DMXL1: variants seen among roughly 807,000 people sequenced by gnomAD.
DMXL1 encodes dmX-like protein 1.
In DMXL1, 99 loss-of-function variants were observed where a neutral mutation model predicts 319.2. The observed-to-expected ratio is 0.31, with a 90% confidence interval of 0.26 to 0.37. DMXL1 has a LOEUF of 0.37. Among genes scored for constraint, DMXL1 ranks in the 10% least tolerant of loss-of-function variants. The probability of loss-of-function intolerance (pLI) is 1.00; values close to 1 mark genes in which losing one functional copy is unlikely to be tolerated. For synonymous variants in DMXL1, 1,385 were observed against 1,235.2 expected, an observed-to-expected ratio of 1.12 and a Z score of -2.54; for missense variants, 3,745 against 3,595.6, an observed-to-expected ratio of 1.04 and a Z score of -1.06.
chr5:119,165,295 A>G lies in DMXL1; in HGVS notation c.4970+15A>G, dbSNP rs747981675. ...GGATTATATAGGTAGGTAAAAAAAA[A>G]AAAAAAAAAGGGTGCTTCAATGTGA... On this transcript the variant is annotated intron_variant, in intron 21 of 43. Coordinates refer to ENST00000539542, the MANE Select transcript of DMXL1 (RefSeq NM_001290321.3). 9.3e-6 allele frequency: 13 copies of G among 1,394,556 alleles called. No homozygotes were observed. Among genetic ancestry groups the G allele is most frequent in the Non-Finnish European group, 1.3e-5 (13 of 1,010,286 alleles). The allele number at this position is 1,394,556 out of a possible 1,614,324, so 86.4% of individuals were successfully genotyped here.
chr5:119,114,874 T>C (rs1026995388), intron 6 of DMXL1, among the ~76,000 whole-genome samples: 25 of 152,180 alleles, frequency 1.6e-4, no homozygotes, highest in African/African-American at 5.3e-4. Flanking sequence ...TTCACCATAT[T>C]GGCCAGGCTG....
intron 35 of DMXL1, among the ~76,000 whole-genome samples, chr5:119,219,092 A>C (rs1439594607): frequency 6.6e-6 from 1 of 152,216 alleles, no homozygotes; most frequent in African/African-American, 2.4e-5. Flanking sequence ...TATGTCTAAC[A>C]GCAAAAGCAA....
chr5:119,238,151 T>C (rs112895260), intron 40 of DMXL1, among the ~76,000 whole-genome samples: 3,436 of 152,168 alleles, frequency 0.023, 128 homozygotes, highest in African/African-American at 0.078. Flanking sequence ...AGGGACTGTT[T>C]TTTTTAACTT....
intron 26 of DMXL1, among the ~76,000 whole-genome samples, chr5:119,176,668 T>C (rs1230232789): frequency 2.0e-5 from 3 of 152,112 alleles, no homozygotes; most frequent in Non-Finnish European, 4.4e-5. Context: ...TATTTAAGTA[T>C]ATTCATGTAC....
At chr5:119,219,259 C>T (rs149550478) in intron 35 of DMXL1, among the ~76,000 whole-genome samples, 109 of 152,164 alleles carry the variant, frequency 7.2e-4, no homozygotes, top group African/African-American at 2.4e-3. Flanking sequence ...CTTTTATAAT[C>T]GATAGTAAGC....
intron 34 of DMXL1, among the ~76,000 whole-genome samples, chr5:119,210,757 G>GTTTTTTTTTTTTTTTTTTTTCCTT: frequency 3.3e-5 from 3 of 89,778 alleles, no homozygotes; most frequent in Admixed American, 1.5e-4. Context: ...TTTTTCTTTC[G>GTTTTTTTTTTTTTTTTTTTTCCTT]TTTTTTTTTT....
intron 28 of DMXL1, among the ~76,000 whole-genome samples, chr5:119,179,187 A>C (rs939644227): frequency 1.2e-4 from 18 of 151,926 alleles, no homozygotes; most frequent in African/African-American, 4.4e-4. Context: ...ATGTGTGATA[A>C]TCTTAGTTTT....
intron 30 of DMXL1, among the ~76,000 whole-genome samples, chr5:119,196,094 T>A (rs1779571808): frequency 6.6e-6 from 1 of 152,198 alleles, no homozygotes. Context: ...CACTTAGAGA[T>A]CCTTCTTCAT....
intron 25 of DMXL1, among the ~76,000 whole-genome samples, chr5:119,174,901 T>A (rs903363367): frequency 6.6e-6 from 1 of 152,252 alleles, no homozygotes; most frequent in South Asian, 2.1e-4. Flanking sequence ...TATCAGGCTG[T>A]TTCTTCACAT....
rs145738544 is a variant in DMXL1, at chr5:119,209,263, G to A, written c.7926+2367G>A. Among the ~76,000 whole-genome samples the A allele has an allele frequency of 2.9e-3, 440 of 151,930 alleles. 6 individuals are homozygous for A. The highest frequency in any genetic ancestry group is 9.4e-3 in the African/African-American group (390 of 41,456). On this transcript the variant is annotated intron_variant, in intron 34 of 43. Coordinates refer to ENST00000539542, the MANE Select transcript of DMXL1 (RefSeq NM_001290321.3). ...GATCATGTGTAGGTATATGTTAAAC[G>A]TTTTGTGAAACTATTCAAATATTTT...
At chr5:119,210,757 G>GTTTTTTTTTTTTTTTTTTTTTTTTTTTT in intron 34 of DMXL1, among the ~76,000 whole-genome samples, 1 of 89,778 alleles carries the variant, frequency 1.1e-5, no homozygotes, top group African/African-American at 4.1e-5. Flanking sequence ...TTTTTCTTTC[G>GTTTTTTTTTTTTTTTTTTTTTTTTTTTT]TTTTTTTTTT....
At chr5:119,137,743 T>G (rs1292148514) in intron 13 of DMXL1, among the ~76,000 whole-genome samples, 1 of 152,194 alleles carries the variant, frequency 6.6e-6, no homozygotes, top group Non-Finnish European at 1.5e-5. Flanking sequence ...TCCGCCATGA[T>G]TGTAAGTTTC....
intron 32 of DMXL1, among the ~76,000 whole-genome samples, chr5:119,199,287 C>T (rs1447511143): frequency 6.6e-6 from 1 of 152,160 alleles, no homozygotes; most frequent in Non-Finnish European, 1.5e-5. Context: ...GAGTTCTCAA[C>T]ATTTAGTTCC....
At chr5:119,089,730 ATTC>A (rs1754282646) in intron 1 of DMXL1, among the ~76,000 whole-genome samples, 1 of 150,592 alleles carries the variant, frequency 6.6e-6, no homozygotes, top group African/African-American at 2.4e-5. Flanking sequence ...GGTTCAAGCA[ATTC>A]TTCTGGCTCA....
At chr5:119,213,104 C>T (rs550951570) in intron 34 of DMXL1, among the ~76,000 whole-genome samples, 14 of 152,290 alleles carry the variant, frequency 9.2e-5, no homozygotes, top group South Asian at 8.3e-4. Context: ...TATAAAACTA[C>T]CCTGCAGTCA....
rs1581177070 is a variant in DMXL1, at chr5:119,178,452, A to C, written c.7135+208A>C. On this transcript the variant is annotated intron_variant, in intron 28 of 43. Transcript: ENST00000539542. ...TTAAGATATTCCTGTACCAATAATT[A>C]GAACGATCTTATGTAAATTTATTAA... The C allele has an allele frequency of 2.4e-5, 9 of 381,858 alleles. No homozygotes were observed. The South Asian group carries it at 9.9e-4, about 42-fold the overall frequency. The allele number at this position is 381,858 out of a possible 1,614,324, so 23.7% of individuals were successfully genotyped here.
intron 22 of DMXL1, among the ~76,000 whole-genome samples, chr5:119,167,227 T>C (rs957746953): frequency 6.6e-6 from 1 of 152,146 alleles, no homozygotes; most frequent in African/African-American, 2.4e-5. Context: ...TTCATACAAG[T>C]AATTCAAAAC....
At chr5:119,151,874 T>C in intron 18 of DMXL1, 55 bp from the exon 19 acceptor site, 1 of 1,182,540 alleles carries the variant, frequency 8.5e-7, no homozygotes, top group Admixed American at 1.7e-5. Flanking sequence ...TATTGGGTGT[T>C]CTTTTGCTTA....
chr5:119,235,420 A>G (rs1002258703), intron 39 of DMXL1, among the ~76,000 whole-genome samples: 2 of 152,176 alleles, frequency 1.3e-5, no homozygotes, highest in African/African-American at 2.4e-5. Flanking sequence ...TTATTAGAAA[A>G]GCTGAACAGC....
Sources: gnomAD v4.1 joint callset for allele counts (sites outside exome capture counted in the v4.1 genomes callset) on GRCh38, gnomAD v4.1.1 for gene constraint, MANE v1.5 for transcripts, NCBI Gene and HGNC (gene_info 2026-07-23, HGNC 2026-07-21) for gene names.